FAM161A: variants seen among roughly 807,000 people sequenced by gnomAD.
FAM161A encodes the protein FAM161 centrosomal protein A.
Under a neutral mutation model 70.9 loss-of-function variants are expected in FAM161A, and 57 were observed. The observed-to-expected ratio is 0.80, with a 90% CI of 0.65 to 1.00. The LOEUF is 1.00. FAM161A is among the 50% of genes least tolerant of loss of function. The pLI, the probability that FAM161A is intolerant of heterozygous loss-of-function variation, is 0.00. For missense variants in FAM161A, 880 were observed against 836.0 expected, an observed-to-expected ratio of 1.05 and a Z score of -0.65; for synonymous variants, 299 against 295.7, an observed-to-expected ratio of 1.01 and a Z score of -0.12.
rs537217034 is a variant in FAM161A, at chr2:61,837,344, ATAAAT to A, written c.1751+1189_1751+1193del. Among the ~76,000 whole-genome samples the A allele has an allele frequency of 5.4e-3, 823 of 152,358 alleles. 12 individuals carry two copies. The highest frequency in any genetic ancestry group is 0.019 in the African/African-American group (796 of 41,578). ...CTCACTGTTTGAGCAAGATCCTATA[ATAAAT>A]TAAACTACACTATTTTCTCTATGTA... On this transcript the variant is annotated intron_variant, in intron 4 of 6. Coordinates refer to ENST00000404929, the MANE Select transcript of FAM161A (RefSeq NM_001201543.2).
chr2:61,815,014 T>A, the FAM161A span, among the ~76,000 whole-genome samples: 1 of 152,176 alleles, frequency 6.6e-6, no homozygotes, highest in Non-Finnish European at 1.5e-5. Flanking sequence ...ATCAGCTCCG[T>A]TTATCCAAAT....
downstream of FAM161A, among the ~76,000 whole-genome samples, chr2:61,824,696 G>A (rs766035637): frequency 4.6e-5 from 7 of 152,134 alleles, no homozygotes; most frequent in Non-Finnish European, 8.8e-5. Context: ...GAAGGGACAG[G>A]CTGTGGAGTG....
chr2:61,836,405 T>C, intron 4 of FAM161A: 1 of 256,898 alleles, frequency 3.9e-6, no homozygotes, highest in Middle Eastern at 1.4e-3. Flanking sequence ...GCATAAATAT[T>C]TTAAGGGACT....
At chr2:61,829,352 C>T (rs968467555) in intron 5 of FAM161A, among the ~76,000 whole-genome samples, 3 of 152,150 alleles carry the variant, frequency 2.0e-5, no homozygotes, top group Non-Finnish European at 4.4e-5. Context: ...TCTAGTGTTA[C>T]ACAGGAGAAC....
intron 1 of FAM161A, among the ~76,000 whole-genome samples, chr2:61,851,481 C>T (rs373160025): frequency 1.3e-5 from 2 of 151,878 alleles, no homozygotes; most frequent in South Asian, 2.1e-4. Flanking sequence ...ATTACAGGCG[C>T]GTGCCACCAC....
intron 5 of FAM161A, among the ~76,000 whole-genome samples, chr2:61,834,885 T>C (rs1672715005): frequency 6.6e-6 from 1 of 152,106 alleles, no homozygotes; most frequent in South Asian, 2.1e-4. Context: ...ACAAAAAACT[T>C]GCAGTTCAGA....
At chr2:61,846,371 G>A (rs1440101311) in intron 1 of FAM161A, among the ~76,000 whole-genome samples, 3 of 152,172 alleles carry the variant, frequency 2.0e-5, no homozygotes, top group African/African-American at 7.2e-5. Flanking sequence ...CTGATTACTG[G>A]TCACGTGGTT....
chr2:61,811,435 G>A, the FAM161A span, among the ~76,000 whole-genome samples: 3 of 151,700 alleles, frequency 2.0e-5, no homozygotes, highest in African/African-American at 7.3e-5. Context: ...GCACAGTGGT[G>A]CAATCTCAGC....
In FAM161A at chr2:61,839,755, TTACAGCCTG is replaced by T. The variant is rs1396889232; in HGVS notation, c.1240_1248del (p.Gln414_Val416del). The T allele has an allele frequency of 1.2e-6, 2 of 1,614,004 alleles. No homozygotes were observed. The highest frequency in any genetic ancestry group is 1.7e-6 in the Non-Finnish European group (2 of 1,180,028). On this transcript the variant is annotated inframe_deletion, in exon 3 of 7. Coordinates refer to ENST00000404929, the MANE Select transcript of FAM161A (RefSeq NM_001201543.2). ...CTAACCTTGTGTTTACACTTCAACT[TTACAGCCTG>T]TTCAGGACACCTGGGGTTCCTGCAT...
At chr2:61,808,562 G>A in the FAM161A span, among the ~76,000 whole-genome samples, 912 of 152,272 alleles carry the variant, frequency 6.0e-3, 10 homozygotes, top group African/African-American at 0.02. Flanking sequence ...ATGAGCCACC[G>A]TGCCTGGCCG....
the FAM161A span, among the ~76,000 whole-genome samples, chr2:61,803,691 G>A: frequency 6.6e-6 from 1 of 152,158 alleles, no homozygotes; most frequent in South Asian, 2.1e-4. Context: ...ACACTTGCCT[G>A]TAATTCCAAC....
the FAM161A span, among the ~76,000 whole-genome samples, chr2:61,813,718 CAAA>C: frequency 1.3e-4 from 11 of 86,978 alleles, no homozygotes; most frequent in Non-Finnish European, 1.6e-4. Flanking sequence ...GACCCTGTCT[CAAA>C]AAAAAAAAAA....
rs1359514148 is a variant in FAM161A, at chr2:61,825,221, A to G, written c.*1234T>C. The G allele has an allele frequency of 2.3e-6, 1 of 438,244 alleles. No homozygotes were observed. The highest frequency in any genetic ancestry group is 2.6e-5 in the Admixed American group (1 of 38,344). 27.1% of individuals were successfully genotyped at this position (438,244 alleles called of 1,614,324 possible). A position where few individuals can be genotyped will look rare whatever the true frequency, so the allele number is the denominator to read the frequency against. ...CAAATTTTAAAACAAAAATTTGCTT[A>G]AAGAAAAAAATATAGATTTATAAAA... On this transcript the variant is annotated 3_prime_UTR_variant, in exon 7 of 7. Coordinates refer to ENST00000404929, the MANE Select transcript of FAM161A (RefSeq NM_001201543.2).
chr2:61,810,010 A>T, the FAM161A span, among the ~76,000 whole-genome samples: 13 of 152,326 alleles, frequency 8.5e-5, no homozygotes, highest in African/African-American at 3.1e-4. Flanking sequence ...GCCCCAGTCA[A>T]GCCACCATAT....
downstream of FAM161A, among the ~76,000 whole-genome samples, chr2:61,823,941 T>C (rs1672266126): frequency 6.6e-6 from 1 of 152,166 alleles, no homozygotes; most frequent in Non-Finnish European, 1.5e-5. Flanking sequence ...CCTGAAAACA[T>C]GTTTGATTTA....
chr2:61,823,674 T>C (rs1558470847), downstream of FAM161A, among the ~76,000 whole-genome samples: 1 of 152,088 alleles, frequency 6.6e-6, no homozygotes, highest in Non-Finnish European at 1.5e-5. Context: ...ACTTCCATCA[T>C]ATTTATAGAT....
At chr2:61,808,131 G>A in the FAM161A span, among the ~76,000 whole-genome samples, 8 of 152,208 alleles carry the variant, frequency 5.3e-5, no homozygotes, top group Non-Finnish European at 5.9e-5. Context: ...GCCACCTGCT[G>A]TCTGCCAATC....
At chr2:61,811,821 A>T in the FAM161A span, among the ~76,000 whole-genome samples, 1 of 152,258 alleles carries the variant, frequency 6.6e-6, no homozygotes, top group South Asian at 2.1e-4. Context: ...TGACCATTTA[A>T]AACCCAAGTC....
In FAM161A at chr2:61,835,080, A is replaced by G. The variant is rs111395949; in HGVS notation, c.1851+930T>C. On this transcript the variant is annotated intron_variant, in intron 5 of 6. Coordinates refer to ENST00000404929, the MANE Select transcript of FAM161A (RefSeq NM_001201543.2). Reference sequence around the variant, plus strand: ...CAAAAAGATTACGTAACTTTGAGAGACTGTAATGTGCAGATTCACCCACAA... The same window carrying G: ...CAAAAAGATTACGTAACTTTGAGAGGCTGTAATGTGCAGATTCACCCACAA... Among the ~76,000 whole-genome samples, 957 of 152,340 alleles carry G rather than the reference A, an allele frequency of 6.3e-3. 17 individuals carry two copies. The highest frequency in any genetic ancestry group is 0.022 in the African/African-American group (925 of 41,584).
Sources: gnomAD v4.1 joint callset for allele counts (sites outside exome capture counted in the v4.1 genomes callset) on GRCh38, gnomAD v4.1.1 for gene constraint, MANE v1.5 for transcripts, NCBI Gene and HGNC (gene_info 2026-07-23, HGNC 2026-07-21) for gene names.